The following TSC22D2 variants were observed in gnomAD, a reference collection of about 807,000 sequenced individuals.
TSC22D2 encodes TSC22 domain family member 2, also known as TSC22 domain family protein 2.
In TSC22D2, 5 loss-of-function variants were observed where a neutral mutation model predicts 50.1. That is an observed-to-expected ratio of 0.10 (90% CI 0.05 to 0.21). The LOEUF (loss-of-function observed/expected upper bound fraction) is 0.21, where lower values mean the gene tolerates loss of function less well. Among genes scored for constraint, TSC22D2 ranks in the 10% least tolerant of loss-of-function variants. The pLI is 1.00. For missense variants in TSC22D2, 1,003 were observed against 1,015.5 expected, an observed-to-expected ratio of 0.99 and a Z score of 0.17; for synonymous variants, 501 against 450.1, an observed-to-expected ratio of 1.11 and a Z score of -1.43.
At chr3:150,417,966 T>A (rs1170976636) in intron 1 of TSC22D2, among the ~76,000 whole-genome samples, 1 of 152,116 alleles carries the variant, frequency 6.6e-6, no homozygotes, top group Non-Finnish European at 1.5e-5. Flanking sequence ...GTTTTTCTTT[T>A]TTGAGACTTT....
At chr3:150,417,740 C>T (rs561644308) in intron 1 of TSC22D2, among the ~76,000 whole-genome samples, 2 of 152,094 alleles carry the variant, frequency 1.3e-5, no homozygotes, top group Admixed American at 6.6e-5. Flanking sequence ...CCAAACTGCT[C>T]TCCCAGATCA....
intron 1 of TSC22D2, among the ~76,000 whole-genome samples, chr3:150,419,331 C>T (rs908792187): frequency 6.6e-6 from 1 of 152,012 alleles, no homozygotes; most frequent in Non-Finnish European, 1.5e-5. Context: ...TGTTTTATTA[C>T]TTGGCACACA....
chr3:150,413,638 T>A (rs1050864631), intron 1 of TSC22D2, among the ~76,000 whole-genome samples: 1 of 151,292 alleles, frequency 6.6e-6, no homozygotes, highest in African/African-American at 2.4e-5. Flanking sequence ...TGTTTGAAAT[T>A]AAATAACAGT....
At chr3:150,421,141 G>A (rs1177355471) in intron 1 of TSC22D2, among the ~76,000 whole-genome samples, 4 of 152,154 alleles carry the variant, frequency 2.6e-5, no homozygotes, top group Admixed American at 2.6e-4. Context: ...TAAATATATT[G>A]TGAGTACTCT....
intron 2 of TSC22D2, among the ~76,000 whole-genome samples, chr3:150,457,507 T>C (rs1721225741): frequency 6.6e-6 from 1 of 152,108 alleles, no homozygotes; most frequent in Non-Finnish European, 1.5e-5. Context: ...AAGTAAGCTA[T>C]AAGTAGGCCA....
In TSC22D2 at chr3:150,465,427, G is replaced by C. The variant is rs1253061597; in HGVS notation, c.*6791G>C. 11 of 152,128 alleles carry C rather than the reference G, an allele frequency of 7.2e-5. No individual in the cohort carries two copies. Among genetic ancestry groups the C allele is most frequent in the Non-Finnish European group, 1.3e-4 (9 of 68,000 alleles). The allele number at this position is 152,128 out of a possible 1,614,324, so 9.4% of individuals were successfully genotyped here. A position where few individuals can be genotyped will look rare whatever the true frequency, so the allele number is the denominator to read the frequency against. On this transcript the variant is annotated 3_prime_UTR_variant, in exon 3 of 3. Coordinates refer to ENST00000688009, the MANE Select transcript of TSC22D2 (RefSeq NM_001303264.2). Reference sequence around the variant, plus strand: ...ACAAATCAAAAGCTGGAAAGGGTGTGGAAAAACAGGAATACATTGCTAGTG... The same window carrying C: ...ACAAATCAAAAGCTGGAAAGGGTGTCGAAAAACAGGAATACATTGCTAGTG...
At chr3:150,441,755 A>G (rs575714748) in intron 1 of TSC22D2, among the ~76,000 whole-genome samples, 6 of 152,290 alleles carry the variant, frequency 3.9e-5, no homozygotes, top group African/African-American at 7.2e-5. Context: ...CTCAGTCTCA[A>G]TCAATCAATC....
At chr3:150,446,145 T>C (rs535940334) in intron 1 of TSC22D2, among the ~76,000 whole-genome samples, 6 of 152,186 alleles carry the variant, frequency 3.9e-5, no homozygotes, top group East Asian at 3.9e-4. Flanking sequence ...GTCTATGCTT[T>C]TAAGCCATTT....
chr3:150,432,537 G>A (rs1037348563), intron 1 of TSC22D2, among the ~76,000 whole-genome samples: 9 of 149,896 alleles, frequency 6.0e-5, no homozygotes, highest in African/African-American at 2.2e-4. Flanking sequence ...CGCCAAATTC[G>A]ATGTATTTTT....
rs1423268766 is a variant in TSC22D2, at chr3:150,409,443, G to C, written c.93G>C (p.Glu31Asp). 8 of 1,613,644 alleles carry C rather than the reference G, an allele frequency of 5.0e-6. No individual in the cohort carries two copies. The highest frequency in any genetic ancestry group is 5.9e-6 in the Non-Finnish European group (7 of 1,179,914). Residue 31 changes from glutamate (E) to aspartate (D), a missense_variant, in exon 1 of 3, where the codon GAG becomes GAC. Around this residue, in one of 6 missense-constraint regions of TSC22D2, gnomAD observed 200 missense variants for 182.8 expected, o/e 1.09. Transcript: ENST00000688009. This position sits in a 1 kb window ranked among gnomAD's most constrained non-coding sequence, Gnocchi z 7.4. Reference protein sequence around the residue: ...QVATSITEDTESLDDPDESRT... With the variant: ...QVATSITEDTDSLDDPDESRT... Reference sequence around the variant, plus strand: ...CCACTAGCATCACCGAGGACACCGAGAGCTTGGACGACCCGGACGAGTCAC... The same window carrying C: ...CCACTAGCATCACCGAGGACACCGACAGCTTGGACGACCCGGACGAGTCAC...
chr3:150,440,195 G>T (rs1720672392), intron 1 of TSC22D2, among the ~76,000 whole-genome samples: 1 of 152,142 alleles, frequency 6.6e-6, no homozygotes, highest in African/African-American at 2.4e-5. Context: ...CTGGGTATCA[G>T]TATGCTGGTA....
At position 150,408,305 on chromosome 3, in the gene TSC22D2, A is replaced by AGCG. The variant is rs1206380600; in HGVS notation, c.-1037_-1035dup. The AGCG allele has an allele frequency of 6.5e-6, 1 of 153,536 alleles. No homozygotes were observed. Among genetic ancestry groups the AGCG allele is most frequent in the Admixed American group, 6.5e-5 (1 of 15,282 alleles). 9.5% of individuals were successfully genotyped at this position (153,536 alleles called of 1,614,324 possible). ...CGGCAGCGGCGGCATTTTAGTCGGC[A>AGCG]GCGGCGGCGGCAGCGGGGCTGCTGC... On this transcript the variant is annotated 5_prime_UTR_variant, in exon 1 of 3. Coordinates refer to ENST00000688009, the MANE Select transcript of TSC22D2 (RefSeq NM_001303264.2).
chr3:150,419,732 C>T (rs568732534), intron 1 of TSC22D2, among the ~76,000 whole-genome samples: 3 of 152,124 alleles, frequency 2.0e-5, no homozygotes, highest in Non-Finnish European at 1.5e-5. Context: ...TTTTCACATA[C>T]TTGGAAATTA....
intron 1 of TSC22D2, among the ~76,000 whole-genome samples, chr3:150,443,184 G>A (rs1010945783): frequency 1.3e-5 from 2 of 152,040 alleles, no homozygotes; most frequent in African/African-American, 4.8e-5. Context: ...TTGCATCCTG[G>A]TCTCTTTTTG....
intron 1 of TSC22D2, among the ~76,000 whole-genome samples, chr3:150,445,389 C>T (rs899130083): frequency 6.6e-6 from 1 of 150,562 alleles, no homozygotes; most frequent in African/African-American, 2.4e-5. Context: ...TCAAGTCAAA[C>T]AATTTTTATT....
At chr3:150,414,181 A>T (rs1325710378) in intron 1 of TSC22D2, among the ~76,000 whole-genome samples, 1 of 152,202 alleles carries the variant, frequency 6.6e-6, no homozygotes, top group Non-Finnish European at 1.5e-5. Context: ...CTACATTATT[A>T]ATTACCATAA....
At chr3:150,433,269 A>G (rs1238968983) in intron 1 of TSC22D2, among the ~76,000 whole-genome samples, 1 of 152,206 alleles carries the variant, frequency 6.6e-6, no homozygotes, top group East Asian at 1.9e-4. Flanking sequence ...TGGCCCAAAA[A>G]TAGTGGTGTC....
chr3:150,457,154 T>C, intron 2 of TSC22D2, 27 bp downstream of exon 2: 1 of 1,601,092 alleles, frequency 6.2e-7, no homozygotes, highest in Non-Finnish European at 8.5e-7. Context: ...AGTTCTCCCA[T>C]TTCATAGATT....
chr3:150,411,473 G>C (rs1560078500), intron 1 of TSC22D2, among the ~76,000 whole-genome samples, 165 bp downstream of exon 1: 1 of 152,086 alleles, frequency 6.6e-6, no homozygotes, highest in Non-Finnish European at 1.5e-5. Context: ...GATGTCAAAG[G>C]GTGTAATGAG....
Sources: gnomAD v4.1 joint callset for allele counts (sites outside exome capture counted in the v4.1 genomes callset) on GRCh38, gnomAD v4.1.1 for gene constraint, gnomAD v4.1.1 regional missense constraint, Gnocchi (gnomAD v3.1) non-coding constraint, MANE v1.5 for transcripts, NCBI Gene and HGNC (gene_info 2026-07-23, HGNC 2026-07-21) for gene names.